KIF26B: variants seen among roughly 807,000 people sequenced by gnomAD.
KIF26B encodes kinesin-like protein KIF26B.
In KIF26B, 63 loss-of-function variants were observed where a neutral mutation model predicts 151.2. The ratio of observed to expected loss-of-function variants is 0.42; its 90% confidence interval spans 0.34 to 0.51. KIF26B has a LOEUF of 0.51. KIF26B is among the 20% of genes least tolerant of loss of function. The pLI, the probability that KIF26B is intolerant of heterozygous loss-of-function variation, is 0.07. For synonymous variants in KIF26B, 1,357 were observed against 1,262.1 expected, an observed-to-expected ratio of 1.08 and a Z score of -1.59; for missense variants, 2,813 against 2,913.6, an observed-to-expected ratio of 0.97 and a Z score of 0.79.
intron 3 of KIF26B, among the ~76,000 whole-genome samples, chr1:245,401,849 G>T (rs1204345487): frequency 1.3e-5 from 2 of 151,402 alleles, no homozygotes; most frequent in African/African-American, 2.4e-5. Flanking sequence ...CAGCCTGGGA[G>T]ACAGAGCGAG....
In KIF26B at chr1:245,359,651, A is replaced by C. The variant is rs147254228; in HGVS notation, c.466-7183A>C. Among the ~76,000 whole-genome samples, 1,296 of 149,996 alleles carry C rather than the reference A, an allele frequency of 8.6e-3. 18 individuals are homozygous for C. Among genetic ancestry groups the C allele is most frequent in the East Asian group, 0.036 (182 of 5,028 alleles). ...TTTTGATTCCTTCCTTCCTTCCTTC[A>C]TTCCTTCCCTCCTTCCCTCCTTTCC... is the stretch of plus-strand genomic sequence containing the variant. On this transcript the variant is annotated intron_variant, in intron 2 of 14. Transcript: ENST00000407071.
At chr1:245,437,149 A>G (rs1658955700) in intron 4 of KIF26B, among the ~76,000 whole-genome samples, 1 of 152,064 alleles carries the variant, frequency 6.6e-6, no homozygotes, top group African/African-American at 2.4e-5. Flanking sequence ...GGCCTCCCAA[A>G]GTGCTGGGAT....
Position 245,688,485 on chromosome 1 carries a change from G to C in KIF26B, c.5502G>C (p.Gly1834=). The part of the protein sequence containing the change: ...RAGPEAEARG[G]ALAEDEPAAA... ...GGCCCGAGGCGGAGGCGCGCGGGGG[G>C]GCCCTGGCCGAGGACGAGCCCGCGG... The change falls in exon 12 of 15, where the codon GGG becomes GGC. Residue 1834 remains glycine, a synonymous_variant. Transcript: ENST00000407071. 1 of 1,426,882 alleles carries C rather than the reference G, an allele frequency of 7.0e-7. No individual in the cohort carries two copies. The highest frequency in any genetic ancestry group is 9.1e-7 in the Non-Finnish European group (1 of 1,100,166). The allele number at this position is 1,426,882 out of a possible 1,614,324, so 88.4% of individuals were successfully genotyped here. A position where few individuals can be genotyped will look rare whatever the true frequency, so the allele number is the denominator to read the frequency against.
At chr1:245,658,350 T>A (rs541699186) in intron 10 of KIF26B, among the ~76,000 whole-genome samples, 1 of 152,352 alleles carries the variant, frequency 6.6e-6, no homozygotes, top group South Asian at 2.1e-4. Context: ...TCTAATGAGA[T>A]GCTCACTTGG....
At chr1:245,603,216 G>A (rs1027506139) in intron 6 of KIF26B, among the ~76,000 whole-genome samples, 4 of 152,270 alleles carry the variant, frequency 2.6e-5, no homozygotes, top group Non-Finnish European at 4.4e-5. Flanking sequence ...GCACACTGGG[G>A]TTGAGGGCAA....
At position 245,358,964 on chromosome 1, in the gene KIF26B, C is replaced by T. The variant is rs1672756539; in HGVS notation, c.466-7870C>T. Among the ~76,000 whole-genome samples, 1 of 152,100 alleles carries T rather than the reference C, an allele frequency of 6.6e-6. No individual in the cohort carries two copies. The highest frequency in any genetic ancestry group is 2.4e-5 in the African/African-American group (1 of 41,424). On this transcript the variant is annotated intron_variant, in intron 2 of 14. Coordinates refer to ENST00000407071, the MANE Select transcript of KIF26B (RefSeq NM_018012.4). This position sits in a 1 kb window ranked among gnomAD's most constrained non-coding sequence, Gnocchi z 4.1. Reference sequence around the variant, plus strand: ...TATTTCCCAACAGCCAAGGGATATACTGGAGAACAAGATTTTCAGGGTTGA... The same window carrying T: ...TATTTCCCAACAGCCAAGGGATATATTGGAGAACAAGATTTTCAGGGTTGA...
chr1:245,698,288 C>A lies in KIF26B; in HGVS notation c.6007C>A (p.Arg2003=), dbSNP rs1458305742. The A allele has an allele frequency of 2.5e-6, 4 of 1,613,368 alleles. No homozygotes were observed. The highest frequency in any genetic ancestry group is 3.3e-5 in the Admixed American group (2 of 60,004). The change falls in exon 13 of 15, where the codon CGA becomes AGA. Residue 2003 remains arginine, a synonymous_variant. Transcript: ENST00000407071. This position sits in a 1 kb window ranked among gnomAD's most constrained non-coding sequence, Gnocchi z 4.0. ...CGATGACGTGGAGCGCCTGCAGCGG[C>A]GACGAGGGGGTGCCAGCAAGGTGAG... ...EIDDVERLQR[R]RGGASKEAMC...
chr1:245,611,739 T>G (rs2103153901), intron 8 of KIF26B, 54 bp from the exon 9 acceptor site: 1 of 1,560,506 alleles, frequency 6.4e-7, no homozygotes, highest in African/African-American at 1.3e-5. Flanking sequence ...CAGGCATGAG[T>G]GACAGCAAGC....
In KIF26B at chr1:245,646,719, GGTT is replaced by G. The variant is rs563917761; in HGVS notation, c.2258+442_2258+444del. Among the ~76,000 whole-genome samples, 544 of 152,212 alleles carry G rather than the reference GGTT, an allele frequency of 3.6e-3. 2 individuals are homozygous for G. Among genetic ancestry groups the G allele is most frequent in the African/African-American group, 0.012 (504 of 41,540 alleles). ...CAAATTTCAGATAACCAACAAATAA[GGTT>G]GTATTATAAGTATGCACCCCAACAT... On this transcript the variant is annotated intron_variant, in intron 10 of 14. Coordinates refer to ENST00000407071, the MANE Select transcript of KIF26B (RefSeq NM_018012.4).
chr1:245,186,749 TAA>T (rs1669007292), intron 2 of KIF26B, among the ~76,000 whole-genome samples: 1 of 152,232 alleles, frequency 6.6e-6, no homozygotes, highest in Non-Finnish European at 1.5e-5. Context: ...TTTTGTCAAT[TAA>T]AGTGACATCA....
intron 2 of KIF26B, among the ~76,000 whole-genome samples, chr1:245,282,646 A>G (rs1671078690): frequency 6.6e-6 from 1 of 152,182 alleles, no homozygotes; most frequent in Admixed American, 6.5e-5. Context: ...CCTAAGCCCT[A>G]TGCAAATCAG....
chr1:245,513,071 A>G (rs1174129059), intron 4 of KIF26B, among the ~76,000 whole-genome samples: 2 of 152,086 alleles, frequency 1.3e-5, no homozygotes, highest in East Asian at 3.9e-4. Context: ...CCAGAAATAG[A>G]AAAGAAAAGG....
At chr1:245,278,179 A>G (rs1670971992) in intron 2 of KIF26B, among the ~76,000 whole-genome samples, 2 of 152,048 alleles carry the variant, frequency 1.3e-5, no homozygotes, top group African/African-American at 4.8e-5. Context: ...TAGAAATCGC[A>G]CTTCAGACTC....
chr1:245,277,724 G>A lies in KIF26B; in HGVS notation c.466-89110G>A, dbSNP rs12026550. 6.6e-3 allele frequency among the ~76,000 whole-genome samples: 1,003 copies of A among 152,252 alleles called. 14 individuals are homozygous for A. Among genetic ancestry groups the A allele is most frequent in the East Asian group, 0.05 (256 of 5,142 alleles). ...CTCTTCTAACGTGATTCTTTGTGCA[G>A]CCATTTTCTGCCAATGCTCTTCTTG... On this transcript the variant is annotated intron_variant, in intron 2 of 14. Coordinates refer to ENST00000407071, the MANE Select transcript of KIF26B (RefSeq NM_018012.4).
Position 245,540,740 on chromosome 1 carries a change from C to G in KIF26B, c.1167-27C>G, listed in dbSNP as rs779470201. ...CAGATCTGATCGTACAATCATTTTC[C>G]CCTTATTGTTCCTTTTTCCACTCCA... On this transcript the variant is annotated intron_variant, in intron 4 of 14. Transcript: ENST00000407071. This position sits in a 1 kb window ranked among gnomAD's most constrained non-coding sequence, Gnocchi z 4.6. The G allele has an allele frequency of 1.3e-6, 2 of 1,590,782 alleles. No homozygotes were observed. The highest frequency in any genetic ancestry group is 1.7e-6 in the Non-Finnish European group (2 of 1,158,818).
At position 245,156,289 on chromosome 1, in the gene KIF26B, A is replaced by C; in HGVS notation, c.71A>C (p.Glu24Ala). 1 of 1,546,784 alleles carries C rather than the reference A, an allele frequency of 6.5e-7. No homozygotes were observed. Reference protein sequence around the residue: ...STRGKKYGVNEVCSPTKPAAP... With the variant: ...STRGKKYGVNAVCSPTKPAAP... ...GGCGTGTCTTCCCCGCAGGTGAATGAAGTCTGCTCGCCCACCAAGCCCGCA... is the reference window on the plus strand; with the variant it reads ...GGCGTGTCTTCCCCGCAGGTGAATGCAGTCTGCTCGCCCACCAAGCCCGCA... The change falls in exon 2 of 15, where the codon GAA (glutamate) becomes GCA (alanine). Residue 24 changes from glutamate to alanine, a missense_variant. Physicochemically the swap from Glu to Ala is moderately radical, Grantham distance 107. Transcript: ENST00000407071.
At chr1:245,483,433 C>A (rs1341303110) in intron 4 of KIF26B, among the ~76,000 whole-genome samples, 1 of 151,898 alleles carries the variant, frequency 6.6e-6, no homozygotes, top group Non-Finnish European at 1.5e-5. Context: ...AACCTCTGTG[C>A]TTCCTGACCT....
intron 2 of KIF26B, among the ~76,000 whole-genome samples, chr1:245,366,485 C>T (rs1025526760): frequency 2.7e-5 from 4 of 149,704 alleles, no homozygotes; most frequent in African/African-American, 7.4e-5. Context: ...GAGCCGAGAT[C>T]GTGCCATTGC....
intron 5 of KIF26B, among the ~76,000 whole-genome samples, chr1:245,562,048 G>A (rs1364515718): frequency 6.6e-6 from 1 of 152,096 alleles, no homozygotes; most frequent in African/African-American, 2.4e-5. Context: ...GACCTGGGGG[G>A]CATCTTCAGT....
Sources: gnomAD v4.1 joint callset for allele counts (sites outside exome capture counted in the v4.1 genomes callset) on GRCh38, gnomAD v4.1.1 for gene constraint, Gnocchi (gnomAD v3.1) non-coding constraint, MANE v1.5 for transcripts, NCBI Gene and HGNC (gene_info 2026-07-23, HGNC 2026-07-21) for gene names.